The following RP1L1 variants were observed in gnomAD, a reference collection of about 807,000 sequenced individuals.
RP1L1 encodes the protein RP1 like 1, also known as retinitis pigmentosa 1-like 1 protein.
In RP1L1, 27 loss-of-function variants were observed where a neutral mutation model predicts 15.7. The observed-to-expected ratio is 1.72, with a 90% CI of 1.27 to 2.38. RP1L1 has a LOEUF of 2.38. RP1L1 is among the 30% of genes most tolerant of loss of function. RP1L1 has a pLI of 0.00. For missense variants in RP1L1, 4,798 were observed against 3,075.9 expected (o/e 1.56, Z -13.24); for synonymous variants, 1,813 against 1,276.7 (o/e 1.42, Z -8.96).
Position 10,609,746 on chromosome 8 carries a change from G to A in RP1L1, c.4352C>T (p.Thr1451Ile), listed in dbSNP as rs749303848. 6.8e-6 allele frequency: 11 copies of A among 1,613,406 alleles called. No homozygotes were observed. The highest frequency in any genetic ancestry group is 3.3e-5 in the Admixed American group (2 of 60,014). Residue 1451 changes from threonine (T) to isoleucine (I), a missense_variant, in exon 4 of 4, where the codon ACA becomes ATA. Thr to Ile is a moderately conservative substitution (Grantham distance 89). Transcript: ENST00000382483. ...PCPAEGTEEP[T>I]EPPSHLSETD... ...CTCGCTGAGATGACTAGGGGGCTCT[G>A]TGGGTTCCTCTGTGCCCTCTGCGGG... is the stretch of plus-strand genomic sequence containing the variant.
chr8:10,643,763 G>T (rs1441650275), intron 1 of RP1L1, among the ~76,000 whole-genome samples: 7 of 152,018 alleles, frequency 4.6e-5, no homozygotes, highest in Non-Finnish European at 1.0e-4. Context: ...CTGCAGCCTT[G>T]CCTGGGGCCT....
intron 1 of RP1L1, among the ~76,000 whole-genome samples, chr8:10,648,643 C>T (rs1359390467): frequency 1.3e-5 from 2 of 152,176 alleles, no homozygotes; most frequent in African/African-American, 2.4e-5. Context: ...CGAAGTCACC[C>T]CCACGTCTTT....
Position 10,610,879 on chromosome 8 carries a change from C to A in RP1L1, c.3219G>T (p.Arg1073=), listed in dbSNP as rs950483135. Residue 1073 remains arginine (R), a synonymous_variant, in exon 4 of 4, where the codon CGG becomes CGT. Transcript: ENST00000382483. Reference sequence around the variant, plus strand: ...AGGCAGACACCCGGCCAGGAAGTGCCCGCAGGCTCACCCTGCAGCCTGCTG... The same window carrying A: ...AGGCAGACACCCGGCCAGGAAGTGCACGCAGGCTCACCCTGCAGCCTGCTG... ...EAPAGCRVSL[R]ALPGRVSAST... 5 of 1,609,442 alleles carry A rather than the reference C, an allele frequency of 3.1e-6. No homozygotes were observed. The South Asian group carries it at 5.5e-5, about 18-fold the overall frequency.
chr8:10,647,458 G>A lies in RP1L1; in HGVS notation c.-20+7440C>T, dbSNP rs140144683. On this transcript the variant is annotated intron_variant, in intron 1 of 3. Coordinates refer to ENST00000382483, the MANE Select transcript of RP1L1 (RefSeq NM_178857.6). Reference sequence around the variant, plus strand: ...TGTCTCCAAAACTCTATCATCCTGGGTTGAAGCCCTGGACCCTTTGCACAC... The same window carrying A: ...TGTCTCCAAAACTCTATCATCCTGGATTGAAGCCCTGGACCCTTTGCACAC... Among the ~76,000 whole-genome samples the A allele has an allele frequency of 9.2e-5, 14 of 152,162 alleles. No individual in the cohort carries two copies. The East Asian group carries it at 2.3e-3, about 25-fold the overall frequency.
chr8:10,654,474 C>T lies in RP1L1; in HGVS notation c.-20+424G>A, dbSNP rs78632635. On this transcript the variant is annotated intron_variant, in intron 1 of 3. Transcript: ENST00000382483. ...TTGGACACCTCCCCAGAATCTGCTC[C>T]CACCCCAGCTGACCTCACCCTGCAG... 5.9e-3 allele frequency among the ~76,000 whole-genome samples: 900 copies of T among 152,200 alleles called. 2 individuals are homozygous for T. Among genetic ancestry groups the T allele is most frequent in the Non-Finnish European group, 0.01 (692 of 67,996 alleles).
intron 1 of RP1L1, among the ~76,000 whole-genome samples, chr8:10,629,703 C>G (rs1021993584): frequency 3.3e-5 from 5 of 152,142 alleles, no homozygotes; most frequent in African/African-American, 9.7e-5. Flanking sequence ...GAGATGGCCA[C>G]TCCCACGCTG....
chr8:10,611,218 C>A lies in RP1L1; in HGVS notation c.2880G>T (p.Trp960Cys), dbSNP rs756532285. Residue 960 changes from tryptophan to cysteine, a missense_variant, in exon 4 of 4, where the codon TGG becomes TGT. By Grantham distance (215) the Trp-to-Cys change is radical (BLOSUM62 -2). Transcript: ENST00000382483. ...TGGGCTCTTCTGGAATGTTGTCCAGCCATTCGCGGACCACAGCCTCTGGAG... is the reference window on the plus strand; with the variant it reads ...TGGGCTCTTCTGGAATGTTGTCCAGACATTCGCGGACCACAGCCTCTGGAG... ...RSSPEAVVRE[W>C]LDNIPEEPIL... is the part of the protein sequence containing the mutation. 1 of 1,613,018 alleles carries A rather than the reference C, an allele frequency of 6.2e-7. No homozygotes were observed. The highest frequency in any genetic ancestry group is 1.1e-5 in the South Asian group (1 of 91,088).
intron 1 of RP1L1, among the ~76,000 whole-genome samples, chr8:10,653,697 G>A (rs934794239): frequency 2.6e-5 from 4 of 152,002 alleles, no homozygotes; most frequent in African/African-American, 9.7e-5. Context: ...TTCAGAAAAC[G>A]GCAACCAGCT....
intron 2 of RP1L1, 130 bp from the exon 3 acceptor site, chr8:10,616,717 G>T: frequency 1.9e-6 from 2 of 1,078,846 alleles, no homozygotes; most frequent in Non-Finnish European, 2.6e-6. Flanking sequence ...CAGACTCCTG[G>T]TCCAAGGAGG....
intron 1 of RP1L1, among the ~76,000 whole-genome samples, chr8:10,629,346 G>C (rs540847798): frequency 6.6e-6 from 1 of 152,312 alleles, no homozygotes; most frequent in Non-Finnish European, 1.5e-5. Flanking sequence ...AAGGGGGCCT[G>C]GGAGCCAATG....
At position 10,611,323 on chromosome 8, in the gene RP1L1, C is replaced by T; in HGVS notation, c.2775G>A (p.Glu925=). 7 of 1,612,806 alleles carry T rather than the reference C, an allele frequency of 4.3e-6. No individual in the cohort carries two copies. The highest frequency in any genetic ancestry group is 5.9e-6 in the Non-Finnish European group (7 of 1,179,982). ...GGCCTCCCCCACTCCTCAAGGTCTT[C>T]TCCTCGGACAGCCCCCGAGACCCCG... ...QGAGSRGLSE[E]KTLRSGGGPQ... The change falls in exon 4 of 4, where the codon GAG becomes GAA. Residue 925 remains glutamate (E), a synonymous_variant. Transcript: ENST00000382483.
chr8:10,620,905 T>C (rs1172017156), intron 2 of RP1L1, among the ~76,000 whole-genome samples: 2 of 152,176 alleles, frequency 1.3e-5, no homozygotes, highest in African/African-American at 4.8e-5. Context: ...CTCAGGAATA[T>C]GGTTCGGTCA....
At chr8:10,622,138 A>G (rs4240660) in intron 2 of RP1L1, among the ~76,000 whole-genome samples, 70,110 of 151,708 alleles carry the variant, frequency 0.46, 16,649 homozygotes, top group Non-Finnish European at 0.53. Context: ...CCTGACCAAC[A>G]TGGAGAAACC....
intron 1 of RP1L1, among the ~76,000 whole-genome samples, chr8:10,625,373 T>C (rs1021062362): frequency 1.3e-5 from 2 of 152,020 alleles, no homozygotes; most frequent in African/African-American, 4.8e-5. Context: ...TCCAGGAACC[T>C]GGGCCTTCGG....
In RP1L1 at chr8:10,612,520, C is replaced by G. The variant is rs938959062; in HGVS notation, c.1578G>C (p.Arg526=). Residue 526 remains arginine (R), a synonymous_variant, in exon 4 of 4, where the codon CGG becomes CGC. Coordinates refer to ENST00000382483, the MANE Select transcript of RP1L1 (RefSeq NM_178857.6). Reference sequence around the variant, plus strand: ...AGTCCGAAGAAGCCCCCTCCTCACTCCGGGCCCTCGGTGTCAGGCGGCCGC... The same window carrying G: ...AGTCCGAAGAAGCCCCCTCCTCACTGCGGGCCCTCGGTGTCAGGCGGCCGC... ...EQGGRLTPRA[R]SEEGASSDSS... 1.9e-6 allele frequency: 3 copies of G among 1,611,650 alleles called. No individual in the cohort carries two copies.
intron 1 of RP1L1, among the ~76,000 whole-genome samples, chr8:10,640,377 T>G (rs1798389074): frequency 6.6e-6 from 1 of 152,202 alleles, no homozygotes; most frequent in Non-Finnish European, 1.5e-5. Flanking sequence ...TAATACTTTG[T>G]GGCTAGGCGT....
intron 1 of RP1L1, among the ~76,000 whole-genome samples, chr8:10,636,074 G>C (rs1296306868): frequency 6.6e-6 from 1 of 152,216 alleles, no homozygotes; most frequent in Non-Finnish European, 1.5e-5. Flanking sequence ...CTAAAATGCT[G>C]TTTTGGTGTG....
chr8:10,653,648 C>T (rs1342662339), intron 1 of RP1L1, among the ~76,000 whole-genome samples: 10 of 118,776 alleles, frequency 8.4e-5, no homozygotes, highest in Non-Finnish European at 1.7e-4. Context: ...TGCACACCCA[C>T]ACACGCATAC....
At position 10,608,327 on chromosome 8, in the gene RP1L1, G is replaced by T. The variant is rs774309647; in HGVS notation, c.5771C>A (p.Ala1924Asp). The part of the protein sequence containing the change: ...EAQPETESVE[A>D]LETEGEDEPE... Reference sequence around the variant, plus strand: ...CTCGTCCTCCCCTTCAGTCTCCAGGGCCTCTACACTTTCTGTCTCTGGCTG... The same window carrying T: ...CTCGTCCTCCCCTTCAGTCTCCAGGTCCTCTACACTTTCTGTCTCTGGCTG... The change falls in exon 4 of 4, where the codon GCC becomes GAC. Residue 1924 changes from alanine to aspartate, a missense_variant. By Grantham distance (126) the Ala-to-Asp change is moderately radical. Transcript: ENST00000382483. The T allele has an allele frequency of 2.2e-5, 36 of 1,613,062 alleles. 2 individuals are homozygous for T. The East Asian group carries it at 7.8e-4, about 35-fold the overall frequency.
Sources: gnomAD v4.1 joint callset for allele counts (sites outside exome capture counted in the v4.1 genomes callset) on GRCh38, gnomAD v4.1.1 for gene constraint, MANE v1.5 for transcripts, NCBI Gene and HGNC (gene_info 2026-07-23, HGNC 2026-07-21) for gene names.